KMT5B: variants seen among roughly 807,000 people sequenced by gnomAD.
The protein encoded by KMT5B is histone-lysine N-methyltransferase KMT5B.
A neutral mutation model predicts 83.2 loss-of-function variants in KMT5B; 10 were observed. That is an observed-to-expected ratio of 0.12 (90% CI 0.07 to 0.20). The LOEUF (loss-of-function observed/expected upper bound fraction) is 0.20, where lower values mean the gene tolerates loss of function less well. Among genes scored for constraint, KMT5B ranks in the 10% least tolerant of loss-of-function variants. The pLI, the probability that KMT5B is intolerant of heterozygous loss-of-function variation, is 1.00. For missense variants in KMT5B, 753 were observed against 1,067.2 expected (o/e 0.71, Z 4.10); for synonymous variants, 349 against 388.8 (o/e 0.90, Z 1.20).
At chr11:68,162,737 T>C (rs981393256) in intron 10 of KMT5B, among the ~76,000 whole-genome samples, 1 of 152,246 alleles carries the variant, frequency 6.6e-6, no homozygotes, top group Non-Finnish European at 1.5e-5. Context: ...AATGGGTATG[T>C]ATTTGATGCT....
At chr11:68,162,050 C>T (rs1854914083) in intron 10 of KMT5B, among the ~76,000 whole-genome samples, 1 of 152,198 alleles carries the variant, frequency 6.6e-6, no homozygotes, top group Admixed American at 6.5e-5. Flanking sequence ...CTCCTTGACT[C>T]CTGCTCTCCT....
At chr11:68,178,208 T>C (rs1856562997) in intron 4 of KMT5B, among the ~76,000 whole-genome samples, 1 of 152,214 alleles carries the variant, frequency 6.6e-6, no homozygotes, top group African/African-American at 2.4e-5. Context: ...GGGAACATTA[T>C]ACAAAAGTAA....
At chr11:68,201,640 A>C (rs972962451) in intron 1 of KMT5B, among the ~76,000 whole-genome samples, 1 of 152,216 alleles carries the variant, frequency 6.6e-6, no homozygotes, top group Non-Finnish European at 1.5e-5. Context: ...AAGAATGTTA[A>C]CGTAATTCCT....
intron 1 of KMT5B, among the ~76,000 whole-genome samples, chr11:68,210,898 A>G (rs1437331335): frequency 6.6e-6 from 1 of 152,158 alleles, no homozygotes; most frequent in Non-Finnish European, 1.5e-5. Flanking sequence ...AGATTTGCCA[A>G]TGTAAAGCTC....
chr11:68,172,623 T>C (rs1311873254), intron 6 of KMT5B, among the ~76,000 whole-genome samples: 1 of 152,146 alleles, frequency 6.6e-6, no homozygotes, highest in Non-Finnish European at 1.5e-5. Flanking sequence ...TGAAATCTGG[T>C]GTGTATAGCA....
chr11:68,166,926 G>A (rs780177759), intron 10 of KMT5B, 56 bp downstream of exon 10: 2 of 1,600,844 alleles, frequency 1.2e-6, no homozygotes, highest in African/African-American at 1.3e-5. Context: ...ACTTTATAAA[G>A]CAAATTGTGT....
At chr11:68,174,684 C>T (rs1225210435) in intron 5 of KMT5B, among the ~76,000 whole-genome samples, 1 of 152,142 alleles carries the variant, frequency 6.6e-6, no homozygotes, top group Admixed American at 6.6e-5. Context: ...TACAAAGGTA[C>T]ACACTACTAT....
At chr11:68,177,941 C>T (rs367666800) in intron 4 of KMT5B, among the ~76,000 whole-genome samples, 18 of 152,292 alleles carry the variant, frequency 1.2e-4, no homozygotes, top group Middle Eastern at 6.8e-3. Flanking sequence ...TGCAATCCTA[C>T]ACTACATGGT....
At chr11:68,185,330 C>T (rs1857343076) in intron 3 of KMT5B, among the ~76,000 whole-genome samples, 1 of 152,172 alleles carries the variant, frequency 6.6e-6, no homozygotes, top group Non-Finnish European at 1.5e-5. Flanking sequence ...CTCAGCCTCC[C>T]AAGTAGCTGG....
chr11:68,197,561 T>G (rs1858873235), intron 1 of KMT5B, among the ~76,000 whole-genome samples: 1 of 152,192 alleles, frequency 6.6e-6, no homozygotes, highest in Non-Finnish European at 1.5e-5. Context: ...AATAGCAAAC[T>G]TTGGTTCAAT....
At chr11:68,182,594 G>C (rs1050154153) in intron 3 of KMT5B, among the ~76,000 whole-genome samples, 4 of 152,088 alleles carry the variant, frequency 2.6e-5, no homozygotes, top group Non-Finnish European at 5.9e-5. Context: ...AAAGTGCTGG[G>C]ATTACAGGCA....
intron 10 of KMT5B, among the ~76,000 whole-genome samples, chr11:68,160,818 G>A (rs1429017697): frequency 1.3e-5 from 2 of 152,128 alleles, no homozygotes; most frequent in Non-Finnish European, 2.9e-5. Flanking sequence ...ACGGTGGTAC[G>A]TGCCTGTAAT....
chr11:68,207,324 T>C (rs542354602), intron 1 of KMT5B, among the ~76,000 whole-genome samples: 39 of 152,230 alleles, frequency 2.6e-4, no homozygotes, highest in African/African-American at 8.7e-4. Flanking sequence ...GTGGTGTACC[T>C]GGTCAAACAG....
rs773836026 is a variant in KMT5B, at chr11:68,171,236, C to T, written c.836G>A (p.Cys279Tyr). Residue 279 changes from cysteine (C) to tyrosine (Y), a missense_variant, in exon 8 of 11, where the codon TGT becomes TAT. Around this residue, in one of 9 missense-constraint regions of KMT5B, gnomAD observed 34 missense variants for 172.5 expected, o/e 0.20. Coordinates refer to ENST00000304363, the MANE Select transcript of KMT5B (RefSeq NM_017635.5). The surrounding 1 kb of genome is among the most constrained non-coding windows in gnomAD (Gnocchi z 5.1). ...AFINHDCRPN[C>Y]KFVSTGRDTA... is the part of the protein sequence containing the mutation. The stretch of plus-strand genomic sequence containing the variant: ...GAAAATTTTTTTAATGCTTACCTTA[C>T]AATTAGGTCTGCAATCTGAAAAATG... 1 of 1,608,406 alleles carries T rather than the reference C, an allele frequency of 6.2e-7. No individual in the cohort carries two copies. The highest frequency in any genetic ancestry group is 1.7e-5 in the Admixed American group (1 of 58,286).
intron 10 of KMT5B, chr11:68,166,412 C>T (rs991263851): frequency 9.8e-6 from 10 of 1,018,166 alleles, no homozygotes; most frequent in Non-Finnish European, 1.2e-5. Flanking sequence ...TCTGGAGTAG[C>T]CAATACAGCA....
In KMT5B at chr11:68,181,078, T is replaced by C. The variant is rs1165145903; in HGVS notation, c.309-878A>G. On this transcript the variant is annotated intron_variant, in intron 3 of 10. Coordinates refer to ENST00000304363, the MANE Select transcript of KMT5B (RefSeq NM_017635.5). ...AAACATCTACTCTTTCTTTTTTCTT[T>C]TTTTTTTTTTTTTGGAGATAGAGTC... Among the ~76,000 whole-genome samples the C allele has an allele frequency of 3.4e-3, 512 of 148,508 alleles. 4 individuals are homozygous for C. The highest frequency in any genetic ancestry group is 9.0e-3 in the African/African-American group (366 of 40,782).
chr11:68,192,060 G>A (rs990628047), intron 1 of KMT5B, among the ~76,000 whole-genome samples: 1 of 152,186 alleles, frequency 6.6e-6, no homozygotes, highest in African/African-American at 2.4e-5. Context: ...ACAGGTTAGT[G>A]GCCTAGGAGC....
chr11:68,166,076 C>G, intron 10 of KMT5B: 1 of 1,525,458 alleles, frequency 6.6e-7, no homozygotes, highest in Non-Finnish European at 8.8e-7. Flanking sequence ...TAAGTGCCAA[C>G]AAAGGCATAC....
intron 3 of KMT5B, among the ~76,000 whole-genome samples, chr11:68,183,661 G>C (rs1398290952): frequency 4.2e-5 from 6 of 142,228 alleles, no homozygotes; most frequent in African/African-American, 2.7e-5. Flanking sequence ...GCCCAGTCCT[G>C]TATCTTTTTT....
Sources: allele counts gnomAD v4.1 joint callset (sites outside exome capture counted in the v4.1 genomes callset), GRCh38; gene constraint gnomAD v4.1.1; regional missense constraint gnomAD v4.1.1; non-coding constraint Gnocchi (gnomAD v3.1); transcripts MANE v1.5; gene names NCBI Gene and HGNC (gene_info 2026-07-23, HGNC 2026-07-21).